Variants in FBXL17 observed in about 807,000 individuals in gnomAD.
FBXL17 encodes F-box/LRR-repeat protein 17.
Under a neutral mutation model 66.2 loss-of-function variants are expected in FBXL17, and 22 were observed. That is an observed-to-expected ratio of 0.33 (90% CI 0.24 to 0.47). FBXL17 has a LOEUF of 0.47. FBXL17 is among the 20% of genes least tolerant of loss of function. The probability of loss-of-function intolerance (pLI) is 1.00; values close to 1 mark genes in which losing one functional copy is unlikely to be tolerated. For synonymous variants in FBXL17, 474 were observed against 400.5 expected (o/e 1.18, Z -2.19); for missense variants, 878 against 948.2 (o/e 0.93, Z 0.97).
chr5:108,046,953 T>C (rs1747274936), intron 6 of FBXL17, among the ~76,000 whole-genome samples: 2 of 152,234 alleles, frequency 1.3e-5, no homozygotes, highest in South Asian at 4.1e-4. Flanking sequence ...TGCCATTCTT[T>C]TAGGGTAGGT....
chr5:107,872,605 T>C (rs569519067), intron 8 of FBXL17, among the ~76,000 whole-genome samples: 1 of 152,162 alleles, frequency 6.6e-6, no homozygotes, highest in East Asian at 1.9e-4. Flanking sequence ...AACTAGTATG[T>C]ACCAGCCACT....
intron 8 of FBXL17, among the ~76,000 whole-genome samples, chr5:107,871,509 C>G (rs2112488589): frequency 6.6e-6 from 1 of 152,244 alleles, no homozygotes; most frequent in African/African-American, 2.4e-5. Context: ...CCAAGCTATC[C>G]TCCACTGAGA....
At chr5:108,284,101 T>C (rs1162620326) in intron 4 of FBXL17, among the ~76,000 whole-genome samples, 1 of 151,896 alleles carries the variant, frequency 6.6e-6, no homozygotes, top group South Asian at 2.1e-4. Context: ...TGTAAATTAG[T>C]ACAACCTCTA....
chr5:108,327,067 A>T (rs773577004), intron 4 of FBXL17, among the ~76,000 whole-genome samples: 2 of 152,242 alleles, frequency 1.3e-5, no homozygotes, highest in Non-Finnish European at 2.9e-5. Context: ...AACTGGAAAC[A>T]ACTGAAATGT....
chr5:108,202,276 C>T (rs1283881795), intron 5 of FBXL17, among the ~76,000 whole-genome samples: 1 of 152,016 alleles, frequency 6.6e-6, no homozygotes, highest in East Asian at 1.9e-4. Context: ...ATACTGATAC[C>T]TATTACCATT....
chr5:108,271,709 T>C (rs1291967026), intron 4 of FBXL17, among the ~76,000 whole-genome samples: 1 of 152,238 alleles, frequency 6.6e-6, no homozygotes, highest in Non-Finnish European at 1.5e-5. Context: ...TCTATGTATC[T>C]ATTTGTAACA....
chr5:108,092,600 G>A (rs909501183), intron 6 of FBXL17, among the ~76,000 whole-genome samples: 2 of 152,144 alleles, frequency 1.3e-5, no homozygotes, highest in Non-Finnish European at 2.9e-5. Context: ...CAGACGTTGA[G>A]CCACTGTGCC....
intron 1 of FBXL17, among the ~76,000 whole-genome samples, chr5:108,370,619 T>C (rs1429746537): frequency 6.6e-6 from 1 of 152,098 alleles, no homozygotes; most frequent in Non-Finnish European, 1.5e-5. Context: ...GGCGCATGCC[T>C]GTAGTCCCAG....
intron 4 of FBXL17, among the ~76,000 whole-genome samples, chr5:108,303,525 G>T (rs1200405615): frequency 6.6e-6 from 1 of 151,762 alleles, no homozygotes; most frequent in African/African-American, 2.4e-5. Flanking sequence ...AATTTAAAAG[G>T]GATGACTTTG....
At chr5:108,190,606 T>C (rs1001954201) in intron 5 of FBXL17, among the ~76,000 whole-genome samples, 2 of 152,204 alleles carry the variant, frequency 1.3e-5, no homozygotes, top group Non-Finnish European at 2.9e-5. Flanking sequence ...TCCCTAAAGT[T>C]TTATTTTTCA....
chr5:108,034,048 T>C (rs1160796811), intron 6 of FBXL17, among the ~76,000 whole-genome samples: 3 of 152,202 alleles, frequency 2.0e-5, no homozygotes, highest in Admixed American at 1.3e-4. Flanking sequence ...AATAGCTTTC[T>C]GGGCCCAGAT....
At chr5:108,083,484 T>G (rs1278675720) in intron 6 of FBXL17, among the ~76,000 whole-genome samples, 1 of 152,136 alleles carries the variant, frequency 6.6e-6, no homozygotes, top group East Asian at 1.9e-4. Flanking sequence ...CAGTGCAACC[T>G]CCGCCACCCA....
At chr5:107,988,330 G>C (rs1031548258) in intron 7 of FBXL17, among the ~76,000 whole-genome samples, 2 of 151,350 alleles carry the variant, frequency 1.3e-5, no homozygotes, top group Admixed American at 6.6e-5. Flanking sequence ...GAACTTACTG[G>C]TCAACACTTT....
intron 4 of FBXL17, among the ~76,000 whole-genome samples, chr5:108,305,794 G>A (rs1758808837): frequency 6.6e-6 from 1 of 152,094 alleles, no homozygotes; most frequent in Non-Finnish European, 1.5e-5. Flanking sequence ...GTAGTCCTTT[G>A]AAACTGTTTT....
chr5:108,265,900 T>G (rs1435912202), intron 4 of FBXL17, among the ~76,000 whole-genome samples: 1 of 152,174 alleles, frequency 6.6e-6, no homozygotes, highest in African/African-American at 2.4e-5. Context: ...GATCACACTT[T>G]GAATAGTAAG....
chr5:108,332,567 T>C (rs565902582), intron 4 of FBXL17, among the ~76,000 whole-genome samples: 1 of 152,282 alleles, frequency 6.6e-6, no homozygotes, highest in African/African-American at 2.4e-5. Flanking sequence ...TTCAAGTTAC[T>C]GTCCGTCAGA....
At chr5:107,955,935 G>A (rs1027421157) in intron 7 of FBXL17, among the ~76,000 whole-genome samples, 4 of 152,062 alleles carry the variant, frequency 2.6e-5, no homozygotes, top group Non-Finnish European at 5.9e-5. Context: ...CATCTTTAGC[G>A]TTACTTGCTA....
intron 7 of FBXL17, among the ~76,000 whole-genome samples, chr5:107,990,477 T>C (rs1753197447): frequency 6.6e-6 from 1 of 152,190 alleles, no homozygotes. Context: ...TCAATTTGAA[T>C]TCTGGCTCCA....
intron 6 of FBXL17, among the ~76,000 whole-genome samples, chr5:108,132,534 T>A (rs778540370): frequency 6.6e-6 from 1 of 152,230 alleles, no homozygotes; most frequent in Non-Finnish European, 1.5e-5. Context: ...CTATATAATA[T>A]GTTGTATGTA....
Sources: gnomAD v4.1 joint callset for allele counts (sites outside exome capture counted in the v4.1 genomes callset) on GRCh38, gnomAD v4.1.1 for gene constraint, MANE v1.5 for transcripts, NCBI Gene and HGNC (gene_info 2026-07-23, HGNC 2026-07-21) for gene names.